KDM6A: variants seen among roughly 807,000 people sequenced by gnomAD.
KDM6A encodes lysine demethylase 6A.
In KDM6A, 11 loss-of-function variants were observed where a neutral mutation model predicts 117.6. That is an observed-to-expected ratio of 0.09 (90% CI 0.06 to 0.15). KDM6A has a LOEUF of 0.15. Ranked by LOEUF, KDM6A falls within the 10% of genes least tolerant of loss-of-function variation. The probability of loss-of-function intolerance (pLI) is 1.00; values close to 1 mark genes in which losing one functional copy is unlikely to be tolerated. For synonymous variants in KDM6A, 384 were observed against 396.1 expected, an observed-to-expected ratio of 0.97 and a Z score of 0.36; for missense variants, 799 against 1,077.3, an observed-to-expected ratio of 0.74 and a Z score of 3.62.
chrX:44,937,714 G>A (rs1314550472), intron 2 of KDM6A, among the ~76,000 whole-genome samples: 1 of 111,978 alleles, frequency 8.9e-6, no homozygotes, highest in Non-Finnish European at 1.9e-5. Flanking sequence ...TAACCTCTGA[G>A]TATTCAAGTG....
intron 11 of KDM6A, 25 bp downstream of exon 11, chrX:45,059,129 G>A (rs2147957990): frequency 8.4e-7 from 1 of 1,185,440 alleles, no homozygotes; most frequent in Non-Finnish European, 1.1e-6. Context: ...AAAAATAGTA[G>A]TAATTTAATT....
chrX:45,091,824 G>T (rs946444906), intron 27 of KDM6A, among the ~76,000 whole-genome samples: 2 of 111,599 alleles, frequency 1.8e-5, no homozygotes, highest in African/African-American at 6.5e-5. Flanking sequence ...TATTAATTTG[G>T]TCAGCATGTG....
chrX:44,896,552 A>G (rs759909689), intron 2 of KDM6A, among the ~76,000 whole-genome samples: 1 of 108,145 alleles, frequency 9.2e-6, no homozygotes, highest in East Asian at 2.9e-4. Flanking sequence ...TGTTATATTT[A>G]CCTCTATTTT....
intron 2 of KDM6A, among the ~76,000 whole-genome samples, chrX:44,887,710 G>A (rs767358748): frequency 1.8e-5 from 2 of 111,280 alleles, no homozygotes; most frequent in Non-Finnish European, 3.8e-5. Flanking sequence ...TTCAGCCTGA[G>A]TGCTCAAAAT....
At chrX:44,980,341 A>G (rs1045592182) in intron 4 of KDM6A, among the ~76,000 whole-genome samples, 2 of 111,154 alleles carry the variant, frequency 1.8e-5, no homozygotes, top group African/African-American at 3.3e-5. Flanking sequence ...TGGTTTTTCT[A>G]GGTCTTTTGC....
intron 8 of KDM6A, among the ~76,000 whole-genome samples, chrX:45,047,686 T>C (rs867224283): frequency 2.1e-3 from 143 of 68,343 alleles, no homozygotes; most frequent in African/African-American, 6.9e-3. Flanking sequence ...TTTTTTTTTT[T>C]TTTTTTTTTT....
chrX:45,026,137 T>G lies in KDM6A; in HGVS notation c.564+5407T>G, dbSNP rs1003065471. ...TGAAGAAAAGAAAAAAAGCTGGTTT[T>G]ATTCATCATCACTTAACAGAATTTT... On this transcript the variant is annotated intron_variant, in intron 6 of 29. Transcript: ENST00000611820. Among the ~76,000 whole-genome samples, 16 of 112,414 alleles carry G rather than the reference T, an allele frequency of 1.4e-4. 1 individual carries two copies. The highest frequency in any genetic ancestry group is 5.6e-5 in the Non-Finnish European group (3 of 53,290).
chrX:44,923,641 T>A (rs1231953932), intron 2 of KDM6A, among the ~76,000 whole-genome samples: 1 of 101,759 alleles, frequency 9.8e-6, no homozygotes, highest in African/African-American at 3.6e-5. Context: ...ACTTCCCGGG[T>A]TTGAGCGATT....
At chrX:44,922,491 CAG>C (rs1324244975) in intron 2 of KDM6A, among the ~76,000 whole-genome samples, 4 of 111,484 alleles carry the variant, frequency 3.6e-5, no homozygotes, top group Non-Finnish European at 7.5e-5. Context: ...TTGTTTGAAA[CAG>C]AGTCTTGCTC....
At chrX:45,050,257 T>G (rs899420158) in intron 8 of KDM6A, among the ~76,000 whole-genome samples, 1 of 112,764 alleles carries the variant, frequency 8.9e-6, no homozygotes, top group African/African-American at 3.2e-5. Context: ...GAGAATTCAC[T>G]TGAACCCGGG....
At chrX:44,879,102 AC>A (rs2031990492) in intron 2 of KDM6A, among the ~76,000 whole-genome samples, 1 of 112,148 alleles carries the variant, frequency 8.9e-6, no homozygotes, top group Admixed American at 9.5e-5. Context: ...TGCACTTTAA[AC>A]CAAAATGAAA....
chrX:44,940,250 C>T (rs1437056425), intron 2 of KDM6A, among the ~76,000 whole-genome samples: 1 of 110,883 alleles, frequency 9.0e-6, no homozygotes, highest in African/African-American at 3.3e-5. Flanking sequence ...ACGAGGTTTT[C>T]ACCATGTTGG....
chrX:45,062,098 GTAT>G (rs1257063638), intron 15 of KDM6A, among the ~76,000 whole-genome samples: 1 of 109,745 alleles, frequency 9.1e-6, no homozygotes, highest in Non-Finnish European at 1.9e-5. Context: ...TTTCTCACAT[GTAT>G]TATTATTTTT....
chrX:44,934,026 G>A lies in KDM6A; in HGVS notation c.226-27258G>A, dbSNP rs910686339. Among the ~76,000 whole-genome samples the A allele has an allele frequency of 7.1e-5, 8 of 112,729 alleles. 2 individuals are homozygous for A. The Admixed American group carries it at 7.5e-4, about 11-fold the overall frequency. ...TTAATAAGCCAAGAAATATTAAGATGTCTGTTTACTTTAAATAATTTCCCT... is the reference window on the plus strand; with the variant it reads ...TTAATAAGCCAAGAAATATTAAGATATCTGTTTACTTTAAATAATTTCCCT... On this transcript the variant is annotated intron_variant, in intron 2 of 29. Coordinates refer to ENST00000611820, the MANE Select transcript of KDM6A (RefSeq NM_001291415.2).
At chrX:45,019,552 G>T (rs192631416) in intron 5 of KDM6A, among the ~76,000 whole-genome samples, 2 of 111,653 alleles carry the variant, frequency 1.8e-5, no homozygotes, top group African/African-American at 3.3e-5. Flanking sequence ...ATGATGTTTC[G>T]AACTATTTTA....
At chrX:45,040,549 C>T (rs1257310400) in intron 8 of KDM6A, among the ~76,000 whole-genome samples, 1 of 60,777 alleles carries the variant, frequency 1.6e-5, no homozygotes, top group Admixed American at 1.7e-4. Context: ...CAGAGGGGCT[C>T]CTCACTTCCC....
intron 7 of KDM6A, among the ~76,000 whole-genome samples, chrX:45,035,604 A>G (rs144320545): frequency 0.056 from 6,280 of 111,395 alleles, 178 homozygotes; most frequent in Non-Finnish European, 0.088. Flanking sequence ...TTTATTTAAT[A>G]TACACTAAAG....
intron 2 of KDM6A, among the ~76,000 whole-genome samples, chrX:44,952,622 A>G (rs2038084633): frequency 8.9e-6 from 1 of 112,023 alleles, no homozygotes; most frequent in African/African-American, 3.2e-5. Context: ...AAAGTAGGAA[A>G]TAGAGAGACA....
chrX:45,070,404 CATG>C, intron 18 of KDM6A, 47 bp downstream of exon 18: 1 of 1,120,446 alleles, frequency 8.9e-7, no homozygotes, highest in Non-Finnish European at 1.2e-6. Flanking sequence ...GACTTACTGG[CATG>C]ATCAGAATGC....
Sources: allele counts gnomAD v4.1 joint callset (sites outside exome capture counted in the v4.1 genomes callset), GRCh38; gene constraint gnomAD v4.1.1; transcripts MANE v1.5; gene names NCBI Gene and HGNC (gene_info 2026-07-23, HGNC 2026-07-21).